Variants in LAIR1 observed in about 807,000 individuals in gnomAD.
The protein encoded by LAIR1 is leukocyte associated immunoglobulin like receptor 1.
In LAIR1, 24 loss-of-function variants were observed where a neutral mutation model predicts 32.8. The ratio of observed to expected loss-of-function variants is 0.73; its 90% confidence interval spans 0.53 to 1.03. The LOEUF (loss-of-function observed/expected upper bound fraction) is 1.03. LAIR1 is among the 50% of genes least tolerant of loss of function. LAIR1 has a pLI of 0.00. For synonymous variants in LAIR1, 150 were observed against 140.5 expected (o/e 1.07, Z -0.48); for missense variants, 355 against 347.5 (o/e 1.02, Z -0.17).
Position 54,355,396 on chromosome 19 carries a change from A to C in LAIR1, c.736T>G (p.Ser246Ala). The change falls in exon 10 of 10, where the codon TCC (serine) becomes GCC (alanine). Residue 246 changes from serine to alanine, a missense_variant. Physicochemically the swap from Ser to Ala is moderately conservative, Grantham distance 99. Transcript: ENST00000391742. The surrounding 1 kb of genome is among the most constrained non-coding windows in gnomAD (Gnocchi z 4.7). ...TDTSALAAGS[S>A]QEVTYAQLDH... ...AGCTGAGCATACGTCACCTCCTGGGAACTCCCTGCAGCCAGGGCCTAAGAG... is the reference window on the plus strand; with the variant it reads ...AGCTGAGCATACGTCACCTCCTGGGCACTCCCTGCAGCCAGGGCCTAAGAG... 6.2e-7 allele frequency: 1 copy of C among 1,608,638 alleles called. No individual in the cohort carries two copies. Among genetic ancestry groups the C allele is most frequent in the Non-Finnish European group, 8.5e-7 (1 of 1,177,166 alleles).
rs554381409 is a variant in LAIR1, at chr19:54,364,769, A to G, written c.34+2T>C. On this transcript the variant is annotated splice_donor_variant, in intron 1 of 9. Coordinates refer to ENST00000391742, the MANE Select transcript of LAIR1 (RefSeq NM_002287.6). LOFTEE classifies it high-confidence loss of function. This position sits in a 1 kb window ranked among gnomAD's most constrained non-coding sequence, Gnocchi z 4.8. ...AGCCTCCCGGCTGCCTCCAGGACTC[A>G]CCTAGGCCCAGGAGGGCGGTGGGGT... 5.6e-6 allele frequency: 9 copies of G among 1,613,674 alleles called. No individual in the cohort carries two copies. In the Admixed American group the frequency reaches 6.7e-5, roughly 12 times the overall value.
At chr19:54,365,534 T>C (rs1369154402), upstream of LAIR1, among the ~76,000 whole-genome samples, 5 of 152,240 alleles carry the variant, frequency 3.3e-5, no homozygotes, top group South Asian at 4.1e-4. Context: ...CTCACAGCTG[T>C]AATCCCAGCA....
Position 54,355,057 on chromosome 19 carries a change from A to T in LAIR1, c.*211T>A. ...TAACTGAGAAACAGTCTGTCCAAGG[A>T]GCTGCTCGATTGTAGAAGGGACCAC... On this transcript the variant is annotated 3_prime_UTR_variant, in exon 10 of 10. Transcript: ENST00000391742. The surrounding 1 kb of genome is among the most constrained non-coding windows in gnomAD (Gnocchi z 4.7). 3.9e-6 allele frequency: 2 copies of T among 506,450 alleles called. No homozygotes were observed. The highest frequency in any genetic ancestry group is 6.0e-5 in the South Asian group (2 of 33,600). The allele number at this position is 506,450 out of a possible 1,614,324, so 31.4% of individuals were successfully genotyped here.
upstream of LAIR1, among the ~76,000 whole-genome samples, chr19:54,365,548 C>T (rs376629882): frequency 9.5e-4 from 144 of 152,192 alleles, no homozygotes; most frequent in Non-Finnish European, 1.6e-3. Flanking sequence ...CCCAGCACTT[C>T]GGGAGGCCGG....
intron 2 of LAIR1, among the ~76,000 whole-genome samples, chr19:54,362,311 C>T (rs1231112555): frequency 6.6e-6 from 1 of 152,152 alleles, no homozygotes; most frequent in Non-Finnish European, 1.5e-5. Context: ...CTCCCCAAAC[C>T]CACCCATTTG....
intron 3 of LAIR1, among the ~76,000 whole-genome samples, chr19:54,360,487 C>T (rs2081959835): frequency 6.6e-6 from 1 of 152,016 alleles, no homozygotes; most frequent in South Asian, 2.1e-4. Flanking sequence ...GCGTTCTGCC[C>T]AGTGGGAGAT....
upstream of LAIR1, among the ~76,000 whole-genome samples, chr19:54,369,208 G>A (rs1469283094): frequency 6.6e-6 from 1 of 150,948 alleles, no homozygotes; most frequent in Non-Finnish European, 1.5e-5. Flanking sequence ...TTCCACTAAC[G>A]TTCTTTGCCT....
At chr19:54,366,448 C>A (rs962175021), upstream of LAIR1, among the ~76,000 whole-genome samples, 3 of 152,102 alleles carry the variant, frequency 2.0e-5, no homozygotes, top group Non-Finnish European at 4.4e-5. Context: ...GCATTCTGTC[C>A]ATGCCCTAGA....
upstream of LAIR1, among the ~76,000 whole-genome samples, chr19:54,366,220 C>A (rs904896584): frequency 6.6e-6 from 1 of 151,970 alleles, no homozygotes; most frequent in African/African-American, 2.4e-5. Flanking sequence ...AATTTGTTAA[C>A]GGAATAGACC....
Position 54,354,914 on chromosome 19 carries a change from G to A in LAIR1, c.*354C>T, listed in dbSNP as rs1229142296. The A allele has an allele frequency of 4.6e-6, 1 of 219,394 alleles. No individual in the cohort carries two copies. Among genetic ancestry groups the A allele is most frequent in the Non-Finnish European group, 8.9e-6 (1 of 112,364 alleles). The allele number at this position is 219,394 out of a possible 1,614,324, so 13.6% of individuals were successfully genotyped here. ...TCACTGCTCAGGAAATCGGCTGATT[G>A]GCTGTAGCTGGGCCTTTAGAACAGG... On this transcript the variant is annotated 3_prime_UTR_variant, in exon 10 of 10. Coordinates refer to ENST00000391742, the MANE Select transcript of LAIR1 (RefSeq NM_002287.6).
chr19:54,371,764 T>C (rs1040012729), upstream of LAIR1, among the ~76,000 whole-genome samples: 7 of 151,650 alleles, frequency 4.6e-5, 1 homozygote, highest in African/African-American at 1.5e-4. Flanking sequence ...TGCTCTTCAT[T>C]TGTTCCTGCG....
chr19:54,366,589 A>C (rs528703014), upstream of LAIR1, among the ~76,000 whole-genome samples: 22 of 152,128 alleles, frequency 1.4e-4, no homozygotes, highest in African/African-American at 4.1e-4. Flanking sequence ...CCCAGATTCA[A>C]GCCATTCTCC....
At chr19:54,359,233 A>T (rs2081887550) in intron 4 of LAIR1, among the ~76,000 whole-genome samples, 1 of 151,816 alleles carries the variant, frequency 6.6e-6, no homozygotes, top group Non-Finnish European at 1.5e-5. Context: ...ATAGAAACCC[A>T]GGTGGGGAAG....
intron 4 of LAIR1, 187 bp from the exon 5 acceptor site, chr19:54,357,153 C>T (rs1374771942): frequency 1.0e-5 from 6 of 591,630 alleles, no homozygotes; most frequent in Non-Finnish European, 1.8e-5. Context: ...TACTGTCCAG[C>T]ATGAGAGTCA....
At position 54,353,881 on chromosome 19, in the gene LAIR1, C is replaced by T. The variant is rs1020985991; in HGVS notation, c.*1387G>A. ...CCGAGTAGCTGGGACTACAGGCACC[C>T]ACCACCACACCCGGCTAATTTTTTT... On this transcript the variant is annotated 3_prime_UTR_variant, in exon 10 of 10. Transcript: ENST00000391742. 1.4e-4 allele frequency: 19 copies of T among 135,192 alleles called. No individual in the cohort carries two copies. Among genetic ancestry groups the T allele is most frequent in the African/African-American group, 4.7e-4 (18 of 38,062 alleles). The allele number at this position is 135,192 out of a possible 1,614,324, so 8.4% of individuals were successfully genotyped here. A position where few individuals can be genotyped will look rare whatever the true frequency, so the allele number is the denominator to read the frequency against.
chr19:54,367,352 A>G (rs1414810117), upstream of LAIR1, among the ~76,000 whole-genome samples: 1 of 152,174 alleles, frequency 6.6e-6, no homozygotes, highest in East Asian at 1.9e-4. Flanking sequence ...TCCCTGGTAT[A>G]TCCTTCCAAT....
chr19:54,357,235 C>T, intron 4 of LAIR1: 1 of 511,378 alleles, frequency 2.0e-6, no homozygotes, highest in Non-Finnish European at 3.5e-6. Flanking sequence ...GTCTGCACCT[C>T]CAGGACTCAG....
chr19:54,363,911 T>C (rs550719025), intron 2 of LAIR1, among the ~76,000 whole-genome samples: 2 of 152,318 alleles, frequency 1.3e-5, no homozygotes, highest in African/African-American at 4.8e-5. Context: ...TAATTTATTG[T>C]ATATTTCAAA....
At position 54,355,540 on chromosome 19, in the gene LAIR1, T is replaced by TGGGAGGGCTCTTCACACG; in HGVS notation, c.718-127_718-126insCGTGTGAAGAGCCCTCCC. ...GACCCTCTCCTAAATTGCATCCGTG[T>TGGGAGGGCTCTTCACACG]GAAGAGCCCTCCCACAGGGTATTGG... On this transcript the variant is annotated intron_variant, in intron 9 of 9. Coordinates refer to ENST00000391742, the MANE Select transcript of LAIR1 (RefSeq NM_002287.6). This position sits in a 1 kb window ranked among gnomAD's most constrained non-coding sequence, Gnocchi z 4.7. The TGGGAGGGCTCTTCACACG allele has an allele frequency of 1.3e-6, 1 of 782,836 alleles. No individual in the cohort carries two copies. The highest frequency in any genetic ancestry group is 2.0e-6 in the Non-Finnish European group (1 of 502,746). The allele number at this position is 782,836 out of a possible 1,614,324, so 48.5% of individuals were successfully genotyped here.
Sources: allele counts gnomAD v4.1 joint callset (sites outside exome capture counted in the v4.1 genomes callset), GRCh38; gene constraint gnomAD v4.1.1; non-coding constraint Gnocchi (gnomAD v3.1); transcripts MANE v1.5; gene names NCBI Gene and HGNC (gene_info 2026-07-23, HGNC 2026-07-21).